CNOT1: variants seen among roughly 807,000 people sequenced by gnomAD.
The protein encoded by CNOT1 is CCR4-NOT transcription complex subunit 1.
Under a neutral mutation model 273.8 loss-of-function variants are expected in CNOT1, and 15 were observed. The ratio of observed to expected loss-of-function variants is 0.05; its 90% CI spans 0.04 to 0.08. The LOEUF is 0.08. Ranked by LOEUF, CNOT1 falls within the 10% of genes least tolerant of loss-of-function variation. The pLI is 1.00. For missense variants in CNOT1, 1,644 were observed against 2,912.2 expected, an observed-to-expected ratio of 0.56 and a Z score of 10.02; for synonymous variants, 1,022 against 1,005.5, an observed-to-expected ratio of 1.02 and a Z score of -0.31.
In CNOT1 at chr16:58,547,566, A is replaced by G; in HGVS notation, c.3639T>C (p.Thr1213=). Residue 1213 remains threonine, a splice_region_variant and synonymous_variant, in exon 26 of 49, where the codon ACT becomes ACC. Coordinates refer to ENST00000317147, the MANE Select transcript of CNOT1 (RefSeq NM_016284.5). The surrounding 1 kb of genome is among the most constrained non-coding windows in gnomAD (Gnocchi z 4.0). ...TLAKNKPILH[T]DLDVKSLLLE... ...TTTTACACATTTAGATGAAACTCAC[A>G]GTGTGTAAGATGGGTTTGTTTTTAG... 6.2e-7 allele frequency: 1 copy of G among 1,607,166 alleles called. No homozygotes were observed. The highest frequency in any genetic ancestry group is 1.7e-5 in the Admixed American group (1 of 59,016).
intron 36 of CNOT1, 68 bp from the exon 37 acceptor site, chr16:58,538,334 A>G (rs2151911847): frequency 1.3e-6 from 1 of 782,970 alleles, no homozygotes; most frequent in South Asian, 1.4e-5. Context: ...ATTTTACTCA[A>G]TGGAAATTTG....
chr16:58,628,896 A>C (rs1252383417), intron 1 of CNOT1, among the ~76,000 whole-genome samples: 1 of 152,232 alleles, frequency 6.6e-6, no homozygotes, highest in African/African-American at 2.4e-5. Context: ...GTACTGAAAA[A>C]GTATTATTTG....
intron 16 of CNOT1, among the ~76,000 whole-genome samples, chr16:58,567,476 A>G (rs2041091709): frequency 7.6e-6 from 1 of 131,356 alleles, no homozygotes; most frequent in Non-Finnish European, 1.8e-5. Flanking sequence ...TTAAAAATAA[A>G]AATAAATTTA....
At chr16:58,536,468 T>C (rs547742933) in intron 39 of CNOT1, among the ~76,000 whole-genome samples, 3 of 152,334 alleles carry the variant, frequency 2.0e-5, no homozygotes, top group African/African-American at 7.2e-5. Flanking sequence ...GGTGCTTTGT[T>C]CCTAACCCTT....
At chr16:58,600,590 G>A (rs2042426093) in intron 1 of CNOT1, among the ~76,000 whole-genome samples, 1 of 152,102 alleles carries the variant, frequency 6.6e-6, no homozygotes. Context: ...GAATCAGGTA[G>A]TTTGGTCTTA....
intron 17 of CNOT1, among the ~76,000 whole-genome samples, chr16:58,559,276 G>T (rs887523501): frequency 3.3e-5 from 5 of 152,012 alleles, no homozygotes; most frequent in African/African-American, 1.2e-4. Context: ...CATAAAAAGG[G>T]CTACAAAATC....
chr16:58,586,038 A>G (rs1328201767), intron 7 of CNOT1, among the ~76,000 whole-genome samples: 1 of 151,228 alleles, frequency 6.6e-6, no homozygotes, highest in African/African-American at 2.4e-5. Flanking sequence ...AGGCAACAAA[A>G]TAACTAGGAT....
At position 58,523,360 on chromosome 16, in the gene CNOT1, G is replaced by A. The variant is rs143651029; in HGVS notation, c.6917+10C>T. On this transcript the variant is annotated intron_variant, in intron 47 of 48. Coordinates refer to ENST00000317147, the MANE Select transcript of CNOT1 (RefSeq NM_016284.5). ...TTTTGAAGCATTTAAAAAATAAGCT[G>A]CTCGCTTACCTTGTGATCTGTTCTT... 5 of 1,566,292 alleles carry A rather than the reference G, an allele frequency of 3.2e-6. No homozygotes were observed. In the African/African-American group the frequency reaches 6.8e-5, roughly 21 times the overall value.
chr16:58,526,562 G>A lies in CNOT1; in HGVS notation c.6454-424C>T, dbSNP rs76734183. ...ATTGAAGCCGGGCGCAGTGGCTCACGCCTGTAAACCCAGCACTTTGGGAGG... is the reference window on the plus strand; with the variant it reads ...ATTGAAGCCGGGCGCAGTGGCTCACACCTGTAAACCCAGCACTTTGGGAGG... On this transcript the variant is annotated intron_variant, in intron 44 of 48. Coordinates refer to ENST00000317147, the MANE Select transcript of CNOT1 (RefSeq NM_016284.5). 2.0e-3 allele frequency among the ~76,000 whole-genome samples: 286 copies of A among 144,176 alleles called. 6 individuals are homozygous for A. The East Asian group carries it at 0.033, about 17-fold the overall frequency. The allele number at this position is 144,176 out of a possible 152,430, so 94.6% of individuals were successfully genotyped here.
chr16:58,552,536 C>T (rs1486688584), intron 22 of CNOT1, among the ~76,000 whole-genome samples: 6 of 152,158 alleles, frequency 3.9e-5, no homozygotes, highest in Non-Finnish European at 7.3e-5. Context: ...TTCTCCAAGT[C>T]TTTCAAGCTC....
intron 39 of CNOT1, 110 bp downstream of exon 39, chr16:58,536,879 G>C: frequency 2.0e-6 from 3 of 1,470,996 alleles, no homozygotes; most frequent in East Asian, 4.7e-5. Flanking sequence ...GTTTGCATGA[G>C]TATGGAGGTA....
chr16:58,613,195 C>A (rs2042957965), intron 1 of CNOT1, among the ~76,000 whole-genome samples: 1 of 152,040 alleles, frequency 6.6e-6, no homozygotes, highest in South Asian at 2.1e-4. Flanking sequence ...ACACGCCCAG[C>A]TAATTTTTTT....
intron 25 of CNOT1, chr16:58,548,738 A>T: frequency 2.4e-6 from 1 of 421,250 alleles, no homozygotes; most frequent in Non-Finnish European, 4.6e-6. Context: ...TTTAGAAATT[A>T]AAATACTTGA....
Position 58,546,509 on chromosome 16 carries a change from C to T in CNOT1, c.3829-11G>A, listed in dbSNP as rs755596403. ...AAACTTCAAGTTTAACTGCACAGTT[C>T]CAGAGTTGGATTAGAATTTTTAAAA... On this transcript the variant is annotated splice_polypyrimidine_tract_variant and intron_variant, in intron 28 of 48. Transcript: ENST00000317147. 2.3e-5 allele frequency: 37 copies of T among 1,606,688 alleles called. 1 individual carries two copies. In the Admixed American group the frequency reaches 6.0e-4, roughly 26 times the overall value.
intron 3 of CNOT1, 66 bp downstream of exon 3, chr16:58,588,733 C>T (rs532650569): frequency 6.4e-7 from 1 of 1,566,186 alleles, no homozygotes. Context: ...ATGCTACATA[C>T]ACTATGCCCA....
intron 2 of CNOT1, 132 bp downstream of exon 2, chr16:58,599,104 G>A: frequency 1.3e-6 from 1 of 772,804 alleles, no homozygotes. Flanking sequence ...AGATGATGAT[G>A]ACAGAAATCA....
intron 1 of CNOT1, among the ~76,000 whole-genome samples, chr16:58,603,423 G>A (rs1391304672): frequency 1.2e-5 from 1 of 84,546 alleles, no homozygotes; most frequent in Non-Finnish European, 2.3e-5. Flanking sequence ...GTGTGTGTGT[G>A]TGTGTGTGTG....
intron 16 of CNOT1, among the ~76,000 whole-genome samples, chr16:58,572,616 T>C (rs747188229): frequency 1.5e-4 from 22 of 149,286 alleles, no homozygotes; most frequent in Non-Finnish European, 2.5e-4. Context: ...CACACAAAAA[T>C]TAAGTTAACG....
intron 18 of CNOT1, 67 bp from the exon 19 acceptor site, chr16:58,557,060 G>A: frequency 6.4e-7 from 1 of 1,555,270 alleles, no homozygotes. Flanking sequence ...TCACATCTCA[G>A]ATATATTAAT....
Sources: allele counts gnomAD v4.1 joint callset (sites outside exome capture counted in the v4.1 genomes callset), GRCh38; gene constraint gnomAD v4.1.1; non-coding constraint Gnocchi (gnomAD v3.1); transcripts MANE v1.5; gene names NCBI Gene and HGNC (gene_info 2026-07-23, HGNC 2026-07-21).